CCSER1: variants seen among roughly 807,000 people sequenced by gnomAD.
CCSER1 encodes the protein serine-rich coiled-coil domain-containing protein 1.
CCSER1 carries 41 observed loss-of-function variants against 82.0 expected under a neutral mutation model. That is an observed-to-expected ratio of 0.50 (90% CI 0.39 to 0.65). The LOEUF is 0.65. Ranked by LOEUF, CCSER1 falls within the 30% of genes least tolerant of loss-of-function variation. The pLI is 0.00. For synonymous variants in CCSER1, 414 were observed against 383.9 expected, an observed-to-expected ratio of 1.08 and a Z score of -0.92; for missense variants, 1,119 against 1,064.2, an observed-to-expected ratio of 1.05 and a Z score of -0.72.
chr4:91,057,607 C>T (rs1038784392), intron 9 of CCSER1, among the ~76,000 whole-genome samples: 16 of 152,138 alleles, frequency 1.1e-4, no homozygotes, highest in African/African-American at 3.6e-4. Flanking sequence ...CTCAAGGCTG[C>T]TCTTTCGTTA....
intron 8 of CCSER1, among the ~76,000 whole-genome samples, chr4:90,916,323 C>T (rs1459245948): frequency 6.6e-6 from 1 of 152,062 alleles, no homozygotes; most frequent in East Asian, 1.9e-4. Context: ...GAGATATAGA[C>T]CAATGGAACA....
At chr4:91,211,914 G>C (rs932330845) in intron 10 of CCSER1, among the ~76,000 whole-genome samples, 2 of 152,080 alleles carry the variant, frequency 1.3e-5, no homozygotes, top group African/African-American at 4.8e-5. Flanking sequence ...TTGTGGAAGA[G>C]AAATGGAAGA....
rs1038719518 is a variant in CCSER1, at chr4:90,854,789, A to G, written c.2094+38944A>G. Reference sequence around the variant, plus strand: ...AGATTGCTCCTATGATCTCTAGGCTACTACATTACTGTATAAATCATTCTC... The same window carrying G: ...AGATTGCTCCTATGATCTCTAGGCTGCTACATTACTGTATAAATCATTCTC... On this transcript the variant is annotated intron_variant, in intron 8 of 10. Transcript: ENST00000509176. Among the ~76,000 whole-genome samples, 5 of 152,154 alleles carry G rather than the reference A, an allele frequency of 3.3e-5. No individual in the cohort carries two copies. In the East Asian group the frequency reaches 5.8e-4, roughly 18 times the overall value.
chr4:90,271,855 TA>T (rs1560919599), intron 1 of CCSER1, among the ~76,000 whole-genome samples: 27 of 31,226 alleles, frequency 8.6e-4, no homozygotes, highest in Non-Finnish European at 1.1e-3. Flanking sequence ...TATATATATA[TA>T]TATATATTTT....
At chr4:90,519,286 G>A (rs1772754449) in intron 5 of CCSER1, among the ~76,000 whole-genome samples, 1 of 151,774 alleles carries the variant, frequency 6.6e-6, no homozygotes, top group Non-Finnish European at 1.5e-5. Context: ...CAGTAATGAA[G>A]AATGAGAAAT....
At chr4:91,508,558 G>GT (rs201824630) in intron 10 of CCSER1, among the ~76,000 whole-genome samples, 2,246 of 133,210 alleles carry the variant, frequency 0.017, 22 homozygotes, top group African/African-American at 0.031. Context: ...CTGGTCTGTA[G>GT]TTTTTTTTTT....
chr4:90,176,660 A>G (rs1401848895), intron 1 of CCSER1, among the ~76,000 whole-genome samples: 1 of 152,012 alleles, frequency 6.6e-6, no homozygotes, highest in Non-Finnish European at 1.5e-5. Context: ...GAAACTCTGA[A>G]GATTCCCAGA....
intron 6 of CCSER1, among the ~76,000 whole-genome samples, chr4:90,660,565 T>TGTGTA (rs957508436): frequency 2.1e-4 from 32 of 152,240 alleles, no homozygotes; most frequent in African/African-American, 7.2e-4. Context: ...TCATAAAAGC[T>TGTGTA]GTGTAAGCCA....
At chr4:90,850,214 G>C (rs1355915421) in intron 8 of CCSER1, among the ~76,000 whole-genome samples, 1 of 152,178 alleles carries the variant, frequency 6.6e-6, no homozygotes, top group Non-Finnish European at 1.5e-5. Context: ...AGGATGTATG[G>C]AAACACCTGG....
At chr4:91,493,236 T>C (rs994978240) in intron 10 of CCSER1, among the ~76,000 whole-genome samples, 1 of 151,878 alleles carries the variant, frequency 6.6e-6, no homozygotes, top group Non-Finnish European at 1.5e-5. Context: ...ATTCTCTCTC[T>C]ATATATATTA....
At chr4:90,232,277 G>A (rs6846207) in intron 1 of CCSER1, among the ~76,000 whole-genome samples, 97,260 of 149,428 alleles carry the variant, frequency 0.65, 34,172 homozygotes, top group African/African-American at 0.91. Flanking sequence ...AAACAGAGAT[G>A]TAGATCAATG....
At chr4:91,107,029 A>G (rs1321157883) in intron 10 of CCSER1, among the ~76,000 whole-genome samples, 1 of 152,174 alleles carries the variant, frequency 6.6e-6, no homozygotes, top group African/African-American at 2.4e-5. Flanking sequence ...CTTTGATAAC[A>G]TATTTTCACT....
chr4:90,984,472 G>A (rs958572461), intron 9 of CCSER1, among the ~76,000 whole-genome samples: 5 of 151,690 alleles, frequency 3.3e-5, no homozygotes, highest in South Asian at 2.1e-4. Flanking sequence ...CCTCTTGGTT[G>A]CAAGATGGCT....
chr4:91,330,545 G>T (rs1447710986), intron 10 of CCSER1, among the ~76,000 whole-genome samples: 1 of 152,070 alleles, frequency 6.6e-6, no homozygotes, highest in Non-Finnish European at 1.5e-5. Flanking sequence ...GCTAAGTGAG[G>T]GCTTGTCTTC....
intron 7 of CCSER1, among the ~76,000 whole-genome samples, chr4:90,769,749 G>A (rs955175449): frequency 1.3e-5 from 2 of 152,172 alleles, no homozygotes; most frequent in African/African-American, 4.8e-5. Flanking sequence ...TGATTCAGAT[G>A]ACAAGATTAT....
At chr4:91,314,607 T>C (rs1051930100) in intron 10 of CCSER1, among the ~76,000 whole-genome samples, 1 of 151,982 alleles carries the variant, frequency 6.6e-6, no homozygotes. Context: ...GTTGCAGCCG[T>C]GCTGAAATTA....
At chr4:91,038,170 G>C (rs907835271) in intron 9 of CCSER1, among the ~76,000 whole-genome samples, 1 of 152,104 alleles carries the variant, frequency 6.6e-6, no homozygotes, top group African/African-American at 2.4e-5. Flanking sequence ...AATTGCTTCT[G>C]TGTACATGAG....
At chr4:91,386,505 T>A (rs1751297083) in intron 10 of CCSER1, among the ~76,000 whole-genome samples, 1 of 151,892 alleles carries the variant, frequency 6.6e-6, no homozygotes, top group African/African-American at 2.4e-5. Context: ...GTACTAGAGT[T>A]GGAAAATCAT....
At chr4:90,483,069 A>C (rs1323736953) in intron 5 of CCSER1, among the ~76,000 whole-genome samples, 1 of 152,182 alleles carries the variant, frequency 6.6e-6, no homozygotes, top group Non-Finnish European at 1.5e-5. Flanking sequence ...TATTGGGTGC[A>C]TATATATTTA....
Sources: allele counts gnomAD v4.1 joint callset (sites outside exome capture counted in the v4.1 genomes callset), GRCh38; gene constraint gnomAD v4.1.1; transcripts MANE v1.5; gene names NCBI Gene and HGNC (gene_info 2026-07-23, HGNC 2026-07-21).